POT1: variants seen among roughly 807,000 people sequenced by gnomAD.
POT1 encodes protection of telomeres protein 1.
Under a neutral mutation model 78.5 loss-of-function variants are expected in POT1, and 47 were observed. The ratio of observed to expected loss-of-function variants is 0.60; its 90% CI spans 0.47 to 0.76. POT1 has a LOEUF of 0.76. Ranked by LOEUF, POT1 falls within the 30% of genes least tolerant of loss-of-function variation. POT1 has a pLI of 0.00. For synonymous variants in POT1, 259 were observed against 260.7 expected (o/e 0.99, Z 0.06); for missense variants, 646 against 749.9 (o/e 0.86, Z 1.62).
rs1285226395 is a variant in POT1, at chr7:124,823,452, G to GT, written c.*509dup. ...ACTAAGTTAACATCTCATTCAATTA[G>GT]TTGTAAGTTGTAATAGCGGCATATT... is the stretch of plus-strand genomic sequence containing the variant. On this transcript the variant is annotated 3_prime_UTR_variant, in exon 19 of 19. Transcript: ENST00000357628. 1 of 151,974 alleles carries GT rather than the reference G, an allele frequency of 6.6e-6. No individual in the cohort carries two copies. The highest frequency in any genetic ancestry group is 1.5e-5 in the Non-Finnish European group (1 of 67,958). The allele number at this position is 151,974 out of a possible 1,614,324, so 9.4% of individuals were successfully genotyped here.
chr7:124,842,281 C>T (rs1472464803), intron 13 of POT1, among the ~76,000 whole-genome samples: 2 of 151,862 alleles, frequency 1.3e-5, no homozygotes, highest in Non-Finnish European at 2.9e-5. Flanking sequence ...AAAAGGATTA[C>T]AAAACAGTTA....
At chr7:124,848,667 G>GA (rs11322299) in intron 11 of POT1, 3,391 of 109,956 alleles carry the variant, frequency 0.031, 142 homozygotes, top group African/African-American at 0.09. Context: ...CATCTCAAAA[G>GA]AAAAAAAAAA....
intron 6 of POT1, among the ~76,000 whole-genome samples, chr7:124,882,498 AAAG>A (rs1796142455): frequency 6.6e-6 from 1 of 152,022 alleles, no homozygotes; most frequent in Non-Finnish European, 1.5e-5. Context: ...ATGGAAGATG[AAAG>A]AAGAAAGAAT....
chr7:124,885,041 A>G (rs538813709), intron 6 of POT1, among the ~76,000 whole-genome samples: 1 of 152,278 alleles, frequency 6.6e-6, no homozygotes, highest in East Asian at 1.9e-4. Context: ...CCCAAAGCAA[A>G]AGTATAGGTA....
At chr7:124,851,568 T>C (rs1053359737) in intron 11 of POT1, among the ~76,000 whole-genome samples, 2 of 152,222 alleles carry the variant, frequency 1.3e-5, no homozygotes, top group African/African-American at 4.8e-5. Flanking sequence ...TTGTTCCCTT[T>C]AAAAACTGAC....
chr7:124,858,768 C>G, intron 9 of POT1, 189 bp downstream of exon 9: 1 of 397,742 alleles, frequency 2.5e-6, no homozygotes, highest in Non-Finnish European at 4.4e-6. Flanking sequence ...AAAAATTGCT[C>G]TAACCCATTA....
intron 6 of POT1, 150 bp from the exon 7 acceptor site, chr7:124,871,191 C>T (rs1795859827): frequency 3.8e-6 from 2 of 532,180 alleles, no homozygotes; most frequent in Non-Finnish European, 5.9e-6. Context: ...TCTTGGCTTT[C>T]AATACACACT....
chr7:124,839,798 G>C (rs1159599909), intron 14 of POT1, among the ~76,000 whole-genome samples: 2 of 151,954 alleles, frequency 1.3e-5, no homozygotes, highest in Admixed American at 1.3e-4. Flanking sequence ...TCTTGCACCA[G>C]AGTGGTAAAT....
intron 6 of POT1, among the ~76,000 whole-genome samples, chr7:124,874,530 A>C (rs115301424): frequency 0.018 from 2,770 of 152,048 alleles, 78 homozygotes; most frequent in African/African-American, 0.063. Context: ...GTCCGCAGTT[A>C]AAGACCAGCC....
intron 15 of POT1, 108 bp from the exon 16 acceptor site, chr7:124,829,450 A>C: frequency 1.5e-6 from 1 of 660,702 alleles, no homozygotes; most frequent in Non-Finnish European, 2.6e-6. Context: ...AAATTATTAA[A>C]CAGAAGAATA....
chr7:124,829,452 A>C, intron 15 of POT1, 110 bp from the exon 16 acceptor site: 1 of 662,136 alleles, frequency 1.5e-6, no homozygotes, highest in Non-Finnish European at 2.6e-6. Context: ...ATTATTAAAC[A>C]GAAGAATACT....
intron 14 of POT1, among the ~76,000 whole-genome samples, chr7:124,838,797 G>T (rs1794957075): frequency 1.3e-5 from 2 of 152,062 alleles, no homozygotes; most frequent in East Asian, 1.9e-4. Context: ...TAGAGACAGG[G>T]TTTCTTCATG....
At chr7:124,892,231 C>T (rs1457070816) in intron 6 of POT1, 35 bp downstream of exon 6, 1 of 1,285,370 alleles carries the variant, frequency 7.8e-7, no homozygotes. Flanking sequence ...TAATGCATTT[C>T]CACTCCAAAA....
intron 6 of POT1, among the ~76,000 whole-genome samples, chr7:124,885,120 T>C (rs1220628654): frequency 1.3e-5 from 2 of 152,038 alleles, no homozygotes; most frequent in East Asian, 3.9e-4. Context: ...TGTTTTCCTA[T>C]ATGAAAGAAG....
At chr7:124,916,707 G>C (rs1308358362) in intron 2 of POT1, among the ~76,000 whole-genome samples, 1 of 152,082 alleles carries the variant, frequency 6.6e-6, no homozygotes, top group African/African-American at 2.4e-5. Context: ...AATGTTCCCA[G>C]ACATCTGTAA....
At chr7:124,842,354 C>T (rs1449329518) in intron 13 of POT1, among the ~76,000 whole-genome samples, 1 of 151,864 alleles carries the variant, frequency 6.6e-6, no homozygotes, top group Non-Finnish European at 1.5e-5. Flanking sequence ...GAGAAATTCT[C>T]AATTACTAAA....
Position 124,823,973 on chromosome 7 carries a change from C to G in POT1, c.1894G>C (p.Asp632His). The change falls in exon 19 of 19, where the codon GAT becomes CAT. Residue 632 changes from aspartate to histidine, a missense_variant. Transcript: ENST00000357628. ...YQIFDTTVAEDVI is the reference protein window; with the variant it reads ...YQIFDTTVAEHVI ...ATTGGATGGCAATATTAGATTACATCTTCTGCAACTGTGGTGTCAAAAATC... is the reference window on the plus strand; with the variant it reads ...ATTGGATGGCAATATTAGATTACATGTTCTGCAACTGTGGTGTCAAAAATC... 1 of 1,573,096 alleles carries G rather than the reference C, an allele frequency of 6.4e-7. No homozygotes were observed. The highest frequency in any genetic ancestry group is 8.7e-7 in the Non-Finnish European group (1 of 1,144,702).
intron 5 of POT1, among the ~76,000 whole-genome samples, chr7:124,893,299 C>T (rs1668658147): frequency 6.6e-6 from 1 of 151,220 alleles, no homozygotes; most frequent in South Asian, 2.1e-4. Context: ...TTTCCATAGG[C>T]CTAAATTTTG....
intron 9 of POT1, among the ~76,000 whole-genome samples, chr7:124,855,446 G>A (rs1241725567): frequency 6.6e-6 from 1 of 151,610 alleles, no homozygotes; most frequent in Non-Finnish European, 1.5e-5. Flanking sequence ...ATAAAGATAA[G>A]TTGTTATTAT....
Sources: allele counts gnomAD v4.1 joint callset (sites outside exome capture counted in the v4.1 genomes callset), GRCh38; gene constraint gnomAD v4.1.1; transcripts MANE v1.5; gene names NCBI Gene and HGNC (gene_info 2026-07-23, HGNC 2026-07-21).